The following PPIP5K2 variants were observed in gnomAD, a reference collection of about 807,000 sequenced individuals.
The protein encoded by PPIP5K2 is inositol hexakisphosphate and diphosphoinositol-pentakisphosphate kinase 2.
Under a neutral mutation model 154.6 loss-of-function variants are expected in PPIP5K2, and 105 were observed. That is an observed-to-expected ratio of 0.68 (90% CI 0.58 to 0.80). The LOEUF (loss-of-function observed/expected upper bound fraction) is 0.80, where lower values mean the gene tolerates loss of function less well. Ranked by LOEUF, PPIP5K2 falls within the 30% of genes least tolerant of loss-of-function variation. The pLI is 0.00. For synonymous variants in PPIP5K2, 480 were observed against 490.3 expected (o/e 0.98, Z 0.28); for missense variants, 992 against 1,504.6 (o/e 0.66, Z 5.64).
At chr5:103,141,780 G>C (rs2149510858) in intron 5 of PPIP5K2, among the ~76,000 whole-genome samples, 1 of 151,284 alleles carries the variant, frequency 6.6e-6, no homozygotes, top group Non-Finnish European at 1.5e-5. Flanking sequence ...GCCGATTGGA[G>C]TATTTACAAT....
At chr5:103,120,887 C>T (rs1448057865) in intron 1 of PPIP5K2, 1 of 168,122 alleles carries the variant, frequency 5.9e-6, no homozygotes, top group African/African-American at 2.4e-5. Context: ...GTCTTTATCC[C>T]TCTCTCTGTC....
intron 21 of PPIP5K2, among the ~76,000 whole-genome samples, chr5:103,175,261 G>A (rs527870948): frequency 4.6e-5 from 7 of 152,120 alleles, no homozygotes; most frequent in African/African-American, 1.4e-4. Flanking sequence ...GATCCTAAGG[G>A]TGTTTCAAAG....
At chr5:103,185,454 G>T (rs1800207738) in intron 26 of PPIP5K2, among the ~76,000 whole-genome samples, 1 of 152,004 alleles carries the variant, frequency 6.6e-6, no homozygotes, top group South Asian at 2.1e-4. Flanking sequence ...ATGAACTGTT[G>T]ATACCTACAT....
chr5:103,120,519 G>C (rs1554198641), intron 1 of PPIP5K2, 31 bp downstream of exon 1: 1 of 456,566 alleles, frequency 2.2e-6, no homozygotes, highest in Non-Finnish European at 4.4e-6. Flanking sequence ...GAGAACCGGA[G>C]ATGCGGAACC....
intron 2 of PPIP5K2, among the ~76,000 whole-genome samples, chr5:103,130,030 A>G (rs781931212): frequency 2.0e-5 from 3 of 152,166 alleles, no homozygotes; most frequent in Non-Finnish European, 2.9e-5. Flanking sequence ...CAAATAATTG[A>G]AGATAGGTGG....
chr5:103,161,349 T>C (rs1250763998), intron 17 of PPIP5K2, among the ~76,000 whole-genome samples: 3 of 152,170 alleles, frequency 2.0e-5, no homozygotes, highest in African/African-American at 7.2e-5. Context: ...TTTCTTAATC[T>C]AGTCTATCAT....
intron 3 of PPIP5K2, among the ~76,000 whole-genome samples, chr5:103,135,305 A>C (rs186041794): frequency 5.9e-5 from 9 of 152,290 alleles, no homozygotes; most frequent in Admixed American, 3.9e-4. Flanking sequence ...CGTTAAATAA[A>C]TTTGCCCAAG....
chr5:103,127,851 A>G (rs1554201258), intron 1 of PPIP5K2, among the ~76,000 whole-genome samples: 1 of 152,158 alleles, frequency 6.6e-6, no homozygotes, highest in Non-Finnish European at 1.5e-5. Flanking sequence ...AAAGAAACCA[A>G]GAGATATTTG....
intron 3 of PPIP5K2, among the ~76,000 whole-genome samples, chr5:103,135,063 A>T (rs1791245332): frequency 6.6e-6 from 1 of 152,194 alleles, no homozygotes; most frequent in Admixed American, 6.5e-5. Flanking sequence ...TATACTTAGT[A>T]TTCCATAGTT....
chr5:103,130,772 C>T (rs1790484285), intron 2 of PPIP5K2, among the ~76,000 whole-genome samples: 1 of 152,140 alleles, frequency 6.6e-6, no homozygotes, highest in Admixed American at 6.6e-5. Context: ...CTAGAAAGCA[C>T]TATTGACTCA....
intron 5 of PPIP5K2, among the ~76,000 whole-genome samples, chr5:103,140,215 A>G (rs529274112): frequency 8.5e-5 from 13 of 152,310 alleles, no homozygotes; most frequent in Admixed American, 5.9e-4. Context: ...GTGCTCTTAA[A>G]GAGAACATAG....
At chr5:103,175,347 A>G (rs1221458428) in intron 21 of PPIP5K2, among the ~76,000 whole-genome samples, 3 of 152,234 alleles carry the variant, frequency 2.0e-5, no homozygotes, top group East Asian at 1.9e-4. Context: ...CCACTAAAGA[A>G]TAGAAAAGTG....
In PPIP5K2 at chr5:103,129,614, G is replaced by A. The variant is rs561909774; in HGVS notation, c.25G>A (p.Val9Ile). The change falls in exon 2 of 31, where the codon GTT (valine) becomes ATT (isoleucine). Residue 9 changes from valine (V) to isoleucine (I), a missense_variant. Physicochemically the swap from Val to Ile is conservative, Grantham distance 29. This residue lies in a region of PPIP5K2 where 153 missense variants were observed against 200.4 expected (regional missense o/e 0.76). Coordinates refer to ENST00000358359, the MANE Select transcript of PPIP5K2 (RefSeq NM_001276277.3). ...AATGAGTGAAGCCCCCAGATTCTTCGTTGGACCAGAAGATACAGAAATAAA... is the reference window on the plus strand; with the variant it reads ...AATGAGTGAAGCCCCCAGATTCTTCATTGGACCAGAAGATACAGAAATAAA... MSEAPRFFVGPEDTEINPG... is the reference protein window; with the variant it reads MSEAPRFFIGPEDTEINPG... 4.1e-5 allele frequency: 65 copies of A among 1,603,368 alleles called. No homozygotes were observed. Among genetic ancestry groups the A allele is most frequent in the South Asian group, 3.1e-4 (28 of 89,064 alleles).
Position 103,202,389 on chromosome 5 carries a change from CT to C in PPIP5K2, c.*760del. ...GACAAGAAAGGCACCTTCAGAGTTT[CT>C]TTTTAAGTATAGTTGACAAGTGTAT... On this transcript the variant is annotated 3_prime_UTR_variant, in exon 31 of 31. Transcript: ENST00000358359. 6.6e-6 allele frequency: 1 copy of C among 152,100 alleles called. No individual in the cohort carries two copies. Among genetic ancestry groups the C allele is most frequent in the Non-Finnish European group, 1.5e-5 (1 of 67,966 alleles). The allele number at this position is 152,100 out of a possible 1,614,324, so 9.4% of individuals were successfully genotyped here. A position where few individuals can be genotyped will look rare whatever the true frequency, so the allele number is the denominator to read the frequency against.
intron 25 of PPIP5K2, 46 bp downstream of exon 25, chr5:103,183,453 GA>G: frequency 6.6e-7 from 1 of 1,516,856 alleles, no homozygotes; most frequent in Non-Finnish European, 9.0e-7. Flanking sequence ...CCTGCATTCA[GA>G]GCAACAAACA....
chr5:103,153,806 C>CT, intron 10 of PPIP5K2, 42 bp from the exon 11 acceptor site: 1 of 1,382,704 alleles, frequency 7.2e-7, no homozygotes, highest in South Asian at 1.3e-5. Context: ...CAACACAAAT[C>CT]TTTTTTAGAG....
intron 5 of PPIP5K2, among the ~76,000 whole-genome samples, chr5:103,144,743 C>A (rs781950006): frequency 2.6e-5 from 4 of 152,152 alleles, no homozygotes; most frequent in Non-Finnish European, 4.4e-5. Flanking sequence ...AAGCCCCTAT[C>A]TCTCTCCATA....
intron 13 of PPIP5K2, among the ~76,000 whole-genome samples, chr5:103,155,552 C>T (rs1396865263): frequency 6.7e-6 from 1 of 150,080 alleles, no homozygotes; most frequent in Non-Finnish European, 1.5e-5. Flanking sequence ...CTCAGCCTCC[C>T]AAGTATCTGG....
At position 103,152,666 on chromosome 5, in the gene PPIP5K2, A is replaced by G; in HGVS notation, c.1047A>G (p.Glu349=). The change falls in exon 10 of 31, where the codon GAA becomes GAG. Residue 349 remains glutamate (E), a synonymous_variant. Transcript: ENST00000358359. Reference sequence around the variant, plus strand: ...CTTGAAGAAATATTGTAATGCGAGAACTTGCTCCACAATTTCATATTCCAT... The same window carrying G: ...CTTGAAGAAATATTGTAATGCGAGAGCTTGCTCCACAATTTCATATTCCAT... The part of the protein sequence containing the change: ...AKILGNIVMR[E]LAPQFHIPWS... The G allele has an allele frequency of 6.3e-7, 1 of 1,592,864 alleles. No individual in the cohort carries two copies. The highest frequency in any genetic ancestry group is 8.6e-7 in the Non-Finnish European group (1 of 1,161,590).
Sources: allele counts gnomAD v4.1 joint callset (sites outside exome capture counted in the v4.1 genomes callset), GRCh38; gene constraint gnomAD v4.1.1; regional missense constraint gnomAD v4.1.1; transcripts MANE v1.5; gene names NCBI Gene and HGNC (gene_info 2026-07-23, HGNC 2026-07-21).